CYP4F11: variants seen among roughly 807,000 people sequenced by gnomAD.
CYP4F11 encodes cytochrome P450 family 4 subfamily F member 11.
Under a neutral mutation model 62.2 loss-of-function variants are expected in CYP4F11, and 79 were observed. The ratio of observed to expected loss-of-function variants is 1.27; its 90% CI spans 1.06 to 1.53. CYP4F11 has a LOEUF of 1.53. Ranked by LOEUF, CYP4F11 falls within the 40% of genes most tolerant of loss-of-function variation. The probability of loss-of-function intolerance (pLI) is 0.00; values close to 1 mark genes in which losing one functional copy is unlikely to be tolerated. For missense variants in CYP4F11, 777 were observed against 680.5 expected, an observed-to-expected ratio of 1.14 and a Z score of -1.58; for synonymous variants, 290 against 263.7, an observed-to-expected ratio of 1.10 and a Z score of -0.97.
intron 8 of CYP4F11, among the ~76,000 whole-genome samples, chr19:15,915,850 T>C (rs1337509608): frequency 1.3e-5 from 2 of 149,464 alleles, no homozygotes; most frequent in African/African-American, 2.4e-5. Context: ...GGCAACCAGA[T>C]TGAGTTGATT....
At chr19:15,917,674 G>C (rs2089593395) in intron 8 of CYP4F11, among the ~76,000 whole-genome samples, 2 of 151,924 alleles carry the variant, frequency 1.3e-5, no homozygotes, top group Admixed American at 1.3e-4. Context: ...GAAGTCAAAA[G>C]GCAACAAAAG....
chr19:15,931,541 C>T (rs11491237), intron 1 of CYP4F11, among the ~76,000 whole-genome samples: 27,061 of 72,604 alleles, frequency 0.37, 3,423 homozygotes, highest in Admixed American at 0.47. Flanking sequence ...AATGAGTGAG[C>T]GGGGAGAGGA....
intron 1 of CYP4F11, among the ~76,000 whole-genome samples, chr19:15,930,452 C>T (rs2089704524): frequency 6.6e-6 from 1 of 152,112 alleles, no homozygotes. Context: ...ATTAGCCAGG[C>T]ATGGTGGCTC....
At chr19:15,927,377 C>T (rs745663556) in intron 3 of CYP4F11, 38 bp from the exon 4 acceptor site, 1 of 1,613,776 alleles carries the variant, frequency 6.2e-7, no homozygotes, top group East Asian at 2.2e-5. Context: ...AAGGGCAGCA[C>T]CCTCCCTTAT....
At position 15,934,309 on chromosome 19, in the gene CYP4F11, C is replaced by T. The variant is rs367904490; in HGVS notation, c.100G>A (p.Val34Ile). The change falls in exon 1 of 12, where the codon GTC (valine) becomes ATC (isoleucine). Residue 34 changes from valine to isoleucine, a missense_variant. Transcript: ENST00000402119. The part of the protein sequence containing the change: ...LVGGSWLLAR[V>I]LAWTYTFYDN... ...TAGAAGGTGTAGGTCCAGGCCAGGA[C>T]GCGGGCCAGGAGCCAGGAGCCTCCA... The T allele has an allele frequency of 7.1e-5, 115 of 1,613,680 alleles. No homozygotes were observed. The highest frequency in any genetic ancestry group is 6.4e-4 in the African/African-American group (48 of 74,980).
intron 6 of CYP4F11, among the ~76,000 whole-genome samples, chr19:15,923,436 G>T (rs997801849): frequency 1.3e-5 from 2 of 152,144 alleles, no homozygotes; most frequent in Non-Finnish European, 2.9e-5. Context: ...GAAGGAATAT[G>T]GGAATAGAGA....
At chr19:15,914,719 C>T in intron 9 of CYP4F11, 43 bp downstream of exon 9, 1 of 1,613,898 alleles carries the variant, frequency 6.2e-7, no homozygotes, top group Non-Finnish European at 8.5e-7. Context: ...TGAGGGACCC[C>T]TCTTGCTACC....
At position 15,912,755 on chromosome 19, in the gene CYP4F11, G is replaced by C. The variant is rs61645183; in HGVS notation, c.*977C>G. 5.8e-5 allele frequency: 1 copy of C among 17,100 alleles called. No individual in the cohort carries two copies. The highest frequency in any genetic ancestry group is 1.7e-4 in the African/African-American group (1 of 5,856). 1.1% of individuals were successfully genotyped at this position (17,100 alleles called of 1,614,324 possible). A position where few individuals can be genotyped will look rare whatever the true frequency, so the allele number is the denominator to read the frequency against. ...TGTGTATATGTATATATGTGTGTGTGTGTGTGTGTGTGTGTGTATATATAT... is the reference window on the plus strand; with the variant it reads ...TGTGTATATGTATATATGTGTGTGTCTGTGTGTGTGTGTGTGTATATATAT... On this transcript the variant is annotated 3_prime_UTR_variant, in exon 12 of 12. Coordinates refer to ENST00000402119, the MANE Select transcript of CYP4F11 (RefSeq NM_021187.4).
At chr19:15,916,692 T>A (rs1297173517) in intron 8 of CYP4F11, among the ~76,000 whole-genome samples, 1 of 152,064 alleles carries the variant, frequency 6.6e-6, no homozygotes, top group Non-Finnish European at 1.5e-5. Flanking sequence ...TCACTAATCA[T>A]CAGGGAAATA....
At chr19:15,930,966 G>A (rs2089709968) in intron 1 of CYP4F11, among the ~76,000 whole-genome samples, 1 of 152,194 alleles carries the variant, frequency 6.6e-6, no homozygotes, top group Non-Finnish European at 1.5e-5. Flanking sequence ...TGCACCGATG[G>A]ACACGCCCAT....
At position 15,924,799 on chromosome 19, in the gene CYP4F11, C is replaced by T. The variant is rs757082382; in HGVS notation, c.609G>A (p.Leu203=). The T allele has an allele frequency of 1.2e-6, 2 of 1,612,690 alleles. No individual in the cohort carries two copies. The highest frequency in any genetic ancestry group is 1.3e-5 in the African/African-American group (1 of 74,890). Reference sequence around the variant, plus strand: ...TTTCAAAGCTGAAGACACATTTCTGCAGACTGTCCAAGGTCATGAGGCTGA... The same window carrying T: ...TTTCAAAGCTGAAGACACATTTCTGTAGACTGTCCAAGGTCATGAGGCTGA... ...EHISLMTLDS[L]QKCVFSFESN... The change falls in exon 5 of 12, where the codon CTG becomes CTA. Residue 203 remains leucine (L), a synonymous_variant. Transcript: ENST00000402119.
chr19:15,917,194 T>C (rs2089589875), intron 8 of CYP4F11, among the ~76,000 whole-genome samples: 1 of 152,164 alleles, frequency 6.6e-6, no homozygotes. Context: ...TATCATATAG[T>C]CTCACTTATA....
intron 8 of CYP4F11, among the ~76,000 whole-genome samples, chr19:15,921,370 G>A (rs774696233): frequency 1.4e-4 from 21 of 152,154 alleles, no homozygotes; most frequent in Non-Finnish European, 2.4e-4. Context: ...CTGTGGCCGG[G>A]TGAGACACTT....
At chr19:15,930,196 T>C (rs914072011) in intron 1 of CYP4F11, among the ~76,000 whole-genome samples, 3 of 152,146 alleles carry the variant, frequency 2.0e-5, no homozygotes, top group African/African-American at 7.2e-5. Context: ...AGCCTCCAGA[T>C]GTGGTGCAGC....
Position 15,914,642 on chromosome 19 carries a change from A to C in CYP4F11, c.1274T>G (p.Ile425Ser), listed in dbSNP as rs771321704. ...CACAGTTGGGTTGTAATGGATCCCG[A>C]TAATATTGATGAGGCAGACAATGCC... ...PKGIVCLINIIGIHYNPTVWP... is the reference protein window; with the variant it reads ...PKGIVCLINISGIHYNPTVWP... Residue 425 changes from isoleucine (I) to serine (S), a missense_variant, in exon 10 of 12, where the codon ATC becomes AGC. Ile to Ser is a moderately radical substitution (Grantham distance 142). Transcript: ENST00000402119. 3.1e-6 allele frequency: 5 copies of C among 1,614,170 alleles called. No homozygotes were observed. In the South Asian group the frequency reaches 5.5e-5, roughly 18 times the overall value.
At chr19:15,914,455 C>T (rs2089565951) in intron 10 of CYP4F11, 68 bp from the exon 11 acceptor site, 2 of 1,567,754 alleles carry the variant, frequency 1.3e-6, no homozygotes, top group Non-Finnish European at 1.7e-6. Context: ...CCAGTTGTCT[C>T]CAAGACCCCC....
chr19:15,912,805 T>TATATATATAC lies in CYP4F11; in HGVS notation c.*926_*927insGTATATATAT, dbSNP rs1183276800. 2.8e-4 allele frequency: 28 copies of TATATATATAC among 101,224 alleles called. No individual in the cohort carries two copies. Among genetic ancestry groups the TATATATATAC allele is most frequent in the African/African-American group, 5.1e-4 (12 of 23,410 alleles). The allele number at this position is 101,224 out of a possible 1,614,324, so 6.3% of individuals were successfully genotyped here. A position where few individuals can be genotyped will look rare whatever the true frequency, so the allele number is the denominator to read the frequency against. ...TATATATATAATATATATATATATATACATATCTTATATGCACAGCCCTCT... is the reference window on the plus strand; with the variant it reads ...TATATATATAATATATATATATATATATATATATACACATATCTTATATGCACAGCCCTCT... On this transcript the variant is annotated 3_prime_UTR_variant, in exon 12 of 12. Transcript: ENST00000402119.
At chr19:15,915,903 A>G (rs1461930924) in intron 8 of CYP4F11, among the ~76,000 whole-genome samples, 1 of 151,910 alleles carries the variant, frequency 6.6e-6, no homozygotes, top group Non-Finnish European at 1.5e-5. Flanking sequence ...AAGATAAAAG[A>G]TAAGATATTA....
chr19:15,920,604 T>C (rs2365176), intron 8 of CYP4F11, among the ~76,000 whole-genome samples: 20,286 of 152,254 alleles, frequency 0.13, 1,510 homozygotes, highest in South Asian at 0.28. Context: ...TCAAAAGGCC[T>C]GTCCAGCTCA....
Sources: gnomAD v4.1 joint callset for allele counts (sites outside exome capture counted in the v4.1 genomes callset) on GRCh38, gnomAD v4.1.1 for gene constraint, MANE v1.5 for transcripts, NCBI Gene and HGNC (gene_info 2026-07-23, HGNC 2026-07-21) for gene names.